RAB3C: variants seen among roughly 807,000 people sequenced by gnomAD.
RAB3C encodes ras-related protein Rab-3C.
Under a neutral mutation model 26.4 loss-of-function variants are expected in RAB3C, and 17 were observed. The ratio of observed to expected loss-of-function variants is 0.64; its 90% CI spans 0.44 to 0.97. The LOEUF is 0.97. Ranked by LOEUF, RAB3C falls within the 50% of genes least tolerant of loss-of-function variation. The pLI, the probability that RAB3C is intolerant of heterozygous loss-of-function variation, is 0.00. For missense variants in RAB3C, 242 were observed against 281.9 expected (o/e 0.86, Z 1.01); for synonymous variants, 91 against 95.9 (o/e 0.95, Z 0.30).
intron 2 of RAB3C, among the ~76,000 whole-genome samples, chr5:58,646,324 T>G (rs1747517839): frequency 6.6e-6 from 1 of 152,200 alleles, no homozygotes; most frequent in Admixed American, 6.5e-5. Context: ...CTCTGCATCC[T>G]TAATGCTCGG....
At chr5:58,803,510 T>C (rs189316448) in intron 3 of RAB3C, among the ~76,000 whole-genome samples, 23 of 152,310 alleles carry the variant, frequency 1.5e-4, no homozygotes, top group African/African-American at 5.5e-4. Context: ...GAAAACCAGC[T>C]CTATGTCTGT....
chr5:58,609,647 G>T (rs167132), intron 1 of RAB3C, among the ~76,000 whole-genome samples: 132,589 of 152,170 alleles, frequency 0.87, 58,080 homozygotes, highest in African/African-American at 0.97. Flanking sequence ...AAATTTAGCT[G>T]GAGGAATGCC....
chr5:58,587,590 T>C (rs759959732), intron 1 of RAB3C, among the ~76,000 whole-genome samples: 1 of 152,216 alleles, frequency 6.6e-6, no homozygotes, highest in African/African-American at 2.4e-5. Context: ...TTTATATACA[T>C]TGAAATGCAC....
At chr5:58,679,836 T>C (rs567565956) in intron 2 of RAB3C, among the ~76,000 whole-genome samples, 1 of 152,298 alleles carries the variant, frequency 6.6e-6, no homozygotes, top group Non-Finnish European at 1.5e-5. Flanking sequence ...GCAGAGGCAA[T>C]ATTTTCTTCA....
At chr5:58,667,705 C>T (rs1748030728) in intron 2 of RAB3C, among the ~76,000 whole-genome samples, 1 of 152,066 alleles carries the variant, frequency 6.6e-6, no homozygotes, top group South Asian at 2.1e-4. Context: ...ACAGTGGCCC[C>T]GTGAGATATA....
At chr5:58,821,837 A>T (rs1364376186) in intron 3 of RAB3C, among the ~76,000 whole-genome samples, 1 of 152,228 alleles carries the variant, frequency 6.6e-6, no homozygotes, top group Non-Finnish European at 1.5e-5. Context: ...TAGCTCATTG[A>T]AAACTCTCCT....
chr5:58,769,275 A>AT (rs1206663346), intron 3 of RAB3C, among the ~76,000 whole-genome samples: 2 of 152,114 alleles, frequency 1.3e-5, no homozygotes, highest in African/African-American at 4.8e-5. Context: ...CCAAGCAGAT[A>AT]TTTGAGTTGG....
At chr5:58,811,192 C>A (rs1288076810) in intron 3 of RAB3C, among the ~76,000 whole-genome samples, 1 of 152,192 alleles carries the variant, frequency 6.6e-6, no homozygotes, top group African/African-American at 2.4e-5. Flanking sequence ...GACTGAAGAG[C>A]AATTACTCTC....
rs538238883 is a variant in RAB3C, at chr5:58,658,856, A to G, written c.252+40986A>G. 6.6e-5 allele frequency among the ~76,000 whole-genome samples: 10 copies of G among 152,300 alleles called. 1 individual carries two copies. The South Asian group carries it at 2.1e-3, about 32-fold the overall frequency. On this transcript the variant is annotated intron_variant, in intron 2 of 4. Coordinates refer to ENST00000282878, the MANE Select transcript of RAB3C (RefSeq NM_138453.4). ...GGGTTTGTCTAGATGAAGATTTGCC[A>G]AAATTTTGAGAGAGGGAGGAAGCAT...
Position 58,853,009 on chromosome 5 carries a change from T to G in RAB3C, c.*1658T>G, listed in dbSNP as rs1744147603. The G allele has an allele frequency of 6.6e-6, 1 of 152,328 alleles. No individual in the cohort carries two copies. The highest frequency in any genetic ancestry group is 1.9e-4 in the East Asian group (1 of 5,184). 9.4% of individuals were successfully genotyped at this position (152,328 alleles called of 1,614,324 possible). ...CATTAGTAAGTCAAAAGTTGGAAAT[T>G]AGGGGAGAGAGCATTTGGAATGCTT... is the stretch of plus-strand genomic sequence containing the variant. On this transcript the variant is annotated 3_prime_UTR_variant, in exon 5 of 5. Transcript: ENST00000282878.
intron 1 of RAB3C, among the ~76,000 whole-genome samples, chr5:58,612,736 G>A (rs923157765): frequency 1.3e-5 from 2 of 151,570 alleles, no homozygotes; most frequent in African/African-American, 2.4e-5. Flanking sequence ...AAGGCTACGG[G>A]GTTTTCTAAA....
At chr5:58,643,657 TAG>T (rs1389946346) in intron 2 of RAB3C, among the ~76,000 whole-genome samples, 6 of 152,202 alleles carry the variant, frequency 3.9e-5, no homozygotes, top group Non-Finnish European at 2.9e-5. Context: ...ACATGGGCGA[TAG>T]AGTGAGAAAC....
At chr5:58,667,542 T>A (rs910847827) in intron 2 of RAB3C, among the ~76,000 whole-genome samples, 1 of 152,108 alleles carries the variant, frequency 6.6e-6, no homozygotes, top group Non-Finnish European at 1.5e-5. Flanking sequence ...AGGAAGAGTA[T>A]ATTAATTTGC....
At chr5:58,795,626 GA>G (rs59947912) in intron 3 of RAB3C, among the ~76,000 whole-genome samples, 76,759 of 151,694 alleles carry the variant, frequency 0.51, 20,887 homozygotes, top group South Asian at 0.62. Context: ...GGAGCTGACA[GA>G]AGAGGCTCAG....
At chr5:58,837,246 A>G (rs887339082) in intron 4 of RAB3C, among the ~76,000 whole-genome samples, 3 of 146,846 alleles carry the variant, frequency 2.0e-5, no homozygotes, top group African/African-American at 5.0e-5. Flanking sequence ...AGTGGGTGTG[A>G]TATCGGCTCA....
Position 58,599,891 on chromosome 5 carries a change from T to G in RAB3C, c.24+16659T>G, listed in dbSNP as rs576993037. 2.0e-5 allele frequency among the ~76,000 whole-genome samples: 3 copies of G among 152,138 alleles called. 1 individual carries two copies. The highest frequency in any genetic ancestry group is 4.4e-5 in the Non-Finnish European group (3 of 68,032). ...TGTTTATCTTTGTTTTTACTGCATT[T>G]GCTTTTGGGTTCTTGGTCATGAAAT... On this transcript the variant is annotated intron_variant, in intron 1 of 4. Coordinates refer to ENST00000282878, the MANE Select transcript of RAB3C (RefSeq NM_138453.4).
chr5:58,730,553 T>C (rs1740991617), intron 3 of RAB3C, among the ~76,000 whole-genome samples: 2 of 151,960 alleles, frequency 1.3e-5, no homozygotes, highest in Non-Finnish European at 2.9e-5. Flanking sequence ...CTTAAGTGTA[T>C]AAAAAATACA....
intron 2 of RAB3C, among the ~76,000 whole-genome samples, chr5:58,704,374 G>C (rs1374526703): frequency 3.3e-5 from 5 of 152,134 alleles, no homozygotes; most frequent in African/African-American, 1.2e-4. Flanking sequence ...TTGCCTGCTG[G>C]TGTACTCAGA....
intron 2 of RAB3C, among the ~76,000 whole-genome samples, chr5:58,701,902 T>C (rs1748850160): frequency 6.6e-6 from 1 of 152,174 alleles, no homozygotes; most frequent in East Asian, 1.9e-4. Context: ...AATTTAATCA[T>C]ACCTATGAAA....
Sources: gnomAD v4.1 joint callset for allele counts (sites outside exome capture counted in the v4.1 genomes callset) on GRCh38, gnomAD v4.1.1 for gene constraint, MANE v1.5 for transcripts, NCBI Gene and HGNC (gene_info 2026-07-23, HGNC 2026-07-21) for gene names.